The following SEMA4B variants were observed in gnomAD, a reference collection of about 807,000 sequenced individuals.
The protein encoded by SEMA4B is semaphorin-4B.
SEMA4B carries 55 observed loss-of-function variants against 88.1 expected under a neutral mutation model. The observed-to-expected ratio is 0.62, with a 90% CI of 0.50 to 0.78. The LOEUF (loss-of-function observed/expected upper bound fraction) is 0.78. SEMA4B is among the 30% of genes least tolerant of loss of function. The probability of loss-of-function intolerance (pLI) is 0.00; values close to 1 mark genes in which losing one functional copy is unlikely to be tolerated. For missense variants in SEMA4B, 1,062 were observed against 1,111.9 expected (o/e 0.96, Z 0.64); for synonymous variants, 525 against 473.6 (o/e 1.11, Z -1.41).
chr15:90,187,688 A>C (rs1302149116), intron 1 of SEMA4B, among the ~76,000 whole-genome samples: 1 of 152,182 alleles, frequency 6.6e-6, no homozygotes, highest in Non-Finnish European at 1.5e-5. Flanking sequence ...GTTGGAAACA[A>C]AGCATAAGGG....
At chr15:90,184,958 C>G (rs892016255), upstream of SEMA4B, 5 of 985,892 alleles carry the variant, frequency 5.1e-6, no homozygotes, top group Non-Finnish European at 3.6e-6. Flanking sequence ...GCTGTGCGCC[C>G]GAGACTCCGG....
At chr15:90,206,686 C>G (rs1219164409) in intron 1 of SEMA4B, 2 of 705,746 alleles carry the variant, frequency 2.8e-6, no homozygotes, top group Non-Finnish European at 2.5e-6. Context: ...GCAAAGCTAC[C>G]AAAGCCTTAG....
rs1368241219 is a variant in SEMA4B at position 90,217,637 on chromosome 15, C to G, written c.321+35C>G. On this transcript the variant is annotated intron_variant, in intron 2 of 13. Coordinates refer to ENST00000411539, the MANE Select transcript of SEMA4B (RefSeq NM_198925.4). ...GTTGCCTGGAGCTGGCTAGGCTGGGCAGAGGACCACAGAGGGAAGATGGAC... is the reference window on the plus strand; with the variant it reads ...GTTGCCTGGAGCTGGCTAGGCTGGGGAGAGGACCACAGAGGGAAGATGGAC... 4 of 1,609,068 alleles carry G rather than the reference C, an allele frequency of 2.5e-6. No homozygotes were observed. The South Asian group carries it at 3.3e-5, about 13-fold the overall frequency.
intron 1 of SEMA4B, among the ~76,000 whole-genome samples, chr15:90,188,498 C>G (rs543517841): frequency 3.3e-5 from 5 of 151,442 alleles, no homozygotes; most frequent in South Asian, 4.2e-4. Flanking sequence ...CATGGTGGCG[C>G]ATGCCTGTAA....
intron 4 of SEMA4B, 177 bp downstream of exon 4, chr15:90,220,068 T>A: frequency 1.8e-6 from 1 of 542,996 alleles, no homozygotes; most frequent in Non-Finnish European, 3.2e-6. Flanking sequence ...AGCGCAGCCC[T>A]GACAGCCATG....
At chr15:90,219,058 ACT>A (rs895753816) in intron 3 of SEMA4B, 4 of 152,226 alleles carry the variant, frequency 2.6e-5, no homozygotes, top group East Asian at 1.9e-4. Flanking sequence ...TAAGAGGGTC[ACT>A]CTGGCTACTG....
chr15:90,215,330 T>C (rs1284400957), intron 1 of SEMA4B, among the ~76,000 whole-genome samples: 3 of 152,108 alleles, frequency 2.0e-5, no homozygotes, highest in Admixed American at 1.3e-4. Flanking sequence ...CTACCTGTAA[T>C]TCTACCAGGG....
chr15:90,214,490 G>A (rs1385479284), intron 1 of SEMA4B, among the ~76,000 whole-genome samples: 1 of 151,848 alleles, frequency 6.6e-6, no homozygotes, highest in Admixed American at 6.6e-5. Context: ...ATACTTTGCC[G>A]GGCGTGGTGA....
At chr15:90,208,752 CTT>C (rs66461937) in intron 1 of SEMA4B, among the ~76,000 whole-genome samples, 1 of 144,144 alleles carries the variant, frequency 6.9e-6, no homozygotes, top group Non-Finnish European at 1.5e-5. Flanking sequence ...TTTTCTTTTT[CTT>C]TTTTTTTTTT....
At chr15:90,216,176 C>T (rs1961525984) in intron 1 of SEMA4B, among the ~76,000 whole-genome samples, 1 of 151,944 alleles carries the variant, frequency 6.6e-6, no homozygotes, top group Non-Finnish European at 1.5e-5. Context: ...TTAGTAGAGA[C>T]GGGATCTCTC....
At chr15:90,194,381 A>G (rs1345754282) in intron 1 of SEMA4B, among the ~76,000 whole-genome samples, 2 of 151,896 alleles carry the variant, frequency 1.3e-5, no homozygotes. Flanking sequence ...AAAAATACAA[A>G]ATTAGCCGGG....
chr15:90,194,646 T>A (rs1960447149), intron 1 of SEMA4B, among the ~76,000 whole-genome samples: 1 of 152,176 alleles, frequency 6.6e-6, no homozygotes, highest in South Asian at 2.1e-4. Flanking sequence ...TTTACTTACT[T>A]ATTTTCAGGC....
chr15:90,226,637 G>A (rs1053425976), intron 12 of SEMA4B, among the ~76,000 whole-genome samples: 1 of 152,250 alleles, frequency 6.6e-6, no homozygotes, highest in South Asian at 2.1e-4. Flanking sequence ...CACCGCGTCT[G>A]GCCAAACATT....
chr15:90,185,861 G>A (rs2151579656), intron 1 of SEMA4B, among the ~76,000 whole-genome samples: 1 of 150,268 alleles, frequency 6.7e-6, no homozygotes, highest in African/African-American at 2.4e-5. Flanking sequence ...CGCTTCCCAA[G>A]ATGACAGTGA....
rs1339871235 is a variant in SEMA4B, at chr15:90,203,299, C to G, written c.157+1564C>G. 7.2e-5 allele frequency among the ~76,000 whole-genome samples: 11 copies of G among 152,240 alleles called. No individual in the cohort carries two copies. The East Asian group carries it at 2.1e-3, about 29-fold the overall frequency. ...TCAGGATGAACAGGTGTAACCAGCCCCAGGCCTGCTGTCTTGCTACTTCTG... is the reference window on the plus strand; with the variant it reads ...TCAGGATGAACAGGTGTAACCAGCCGCAGGCCTGCTGTCTTGCTACTTCTG... On this transcript the variant is annotated intron_variant, in intron 1 of 13. Transcript: ENST00000411539.
In SEMA4B at chr15:90,228,627, G is replaced by A. The variant is rs775473322; in HGVS notation, c.2498G>A (p.Arg833His). The change falls in exon 14 of 14, where the codon CGT (arginine) becomes CAT (histidine). Residue 833 changes from arginine (R) to histidine (H), a missense_variant. By Grantham distance (29) the Arg-to-His change is conservative. Coordinates refer to ENST00000411539, the MANE Select transcript of SEMA4B (RefSeq NM_198925.4). ...CGGGTCCGCCTTGGCTCGGAGATCC[G>A]TGACTCTGTGGTGTGAGAGCTGACT... ...RPRVRLGSEI[R>H]DSVV 3.3e-5 allele frequency: 54 copies of A among 1,613,140 alleles called. No homozygotes were observed. The highest frequency in any genetic ancestry group is 4.0e-5 in the Non-Finnish European group (47 of 1,179,850).
chr15:90,201,783 C>A (rs1056150800), intron 1 of SEMA4B, 48 bp downstream of exon 1: 1 of 1,372,630 alleles, frequency 7.3e-7, no homozygotes, highest in Admixed American at 3.4e-5. Flanking sequence ...GGAAGGCTGC[C>A]GGGGACGTGC....
At chr15:90,207,366 G>A (rs1961045966) in intron 1 of SEMA4B, among the ~76,000 whole-genome samples, 1 of 152,194 alleles carries the variant, frequency 6.6e-6, no homozygotes, top group Non-Finnish European at 1.5e-5. Flanking sequence ...TCCTAAAGAG[G>A]AGCCAAATTA....
intron 1 of SEMA4B, among the ~76,000 whole-genome samples, chr15:90,202,971 A>G (rs3938116): frequency 0.19 from 29,416 of 152,162 alleles, 3,567 homozygotes; most frequent in African/African-American, 0.34. Flanking sequence ...TTCAAATGCT[A>G]CCTCAGCCAC....
Sources: gnomAD v4.1 joint callset for allele counts (sites outside exome capture counted in the v4.1 genomes callset) on GRCh38, gnomAD v4.1.1 for gene constraint, MANE v1.5 for transcripts, NCBI Gene and HGNC (gene_info 2026-07-23, HGNC 2026-07-21) for gene names.